CRTAM: variants seen among roughly 807,000 people sequenced by gnomAD.
CRTAM encodes cytotoxic and regulatory T cell molecule, also known as cytotoxic and regulatory T-cell molecule.
CRTAM carries 44 observed loss-of-function variants against 50.0 expected under a neutral mutation model. The observed-to-expected ratio is 0.88, with a 90% CI of 0.69 to 1.13. CRTAM has a LOEUF of 1.13. Ranked by LOEUF, CRTAM falls within the 50% of genes most tolerant of loss-of-function variation. CRTAM has a pLI of 0.00. For missense variants in CRTAM, 448 were observed against 457.5 expected (o/e 0.98, Z 0.19); for synonymous variants, 159 against 169.3 (o/e 0.94, Z 0.47).
At chr11:122,860,940 G>T (rs1005347254) in intron 5 of CRTAM, among the ~76,000 whole-genome samples, 15 of 152,104 alleles carry the variant, frequency 9.9e-5, no homozygotes, top group Non-Finnish European at 1.8e-4. Context: ...TAAGCAATCT[G>T]CCTGCCTCGG....
chr11:122,847,710 GCAAAGGGGCATATTT>G (rs1861882002), intron 1 of CRTAM, among the ~76,000 whole-genome samples: 2 of 152,210 alleles, frequency 1.3e-5, no homozygotes, highest in African/African-American at 2.4e-5. Context: ...CCTGTCCCAT[GCAAAGGGGCATATTT>G]TTGGAGGAAC....
chr11:122,871,410 A>G lies in CRTAM; in HGVS notation c.*11A>G, dbSNP rs1862252214. Reference sequence around the variant, plus strand: ...GAGAGTATTGTGTAGTGCTCTCTGCAATGGAACATGTGATTTCAGGGTTGC... The same window carrying G: ...GAGAGTATTGTGTAGTGCTCTCTGCGATGGAACATGTGATTTCAGGGTTGC... On this transcript the variant is annotated 3_prime_UTR_variant, in exon 10 of 10. Transcript: ENST00000227348. The G allele has an allele frequency of 6.2e-7, 1 of 1,606,122 alleles. No individual in the cohort carries two copies. The highest frequency in any genetic ancestry group is 2.2e-5 in the East Asian group (1 of 44,482).
At chr11:122,849,722 CA>C (rs144356621) in intron 1 of CRTAM, among the ~76,000 whole-genome samples, 69 of 141,216 alleles carry the variant, frequency 4.9e-4, no homozygotes, top group East Asian at 1.8e-3. Context: ...GACTTTGTCT[CA>C]AAAAAAAAAA....
chr11:122,861,100 T>C (rs1200907515), intron 5 of CRTAM, among the ~76,000 whole-genome samples: 2 of 152,162 alleles, frequency 1.3e-5, no homozygotes, highest in Non-Finnish European at 2.9e-5. Context: ...CAATTTTCTC[T>C]GGCACCTGTG....
At chr11:122,839,665 A>G (rs771470359) in intron 1 of CRTAM, among the ~76,000 whole-genome samples, 13 of 152,148 alleles carry the variant, frequency 8.5e-5, no homozygotes, top group Non-Finnish European at 1.6e-4. Context: ...GTCTCTGCTT[A>G]CAATTGTATC....
intron 2 of CRTAM, 140 bp from the exon 3 acceptor site, chr11:122,851,553 G>A (rs775384823): frequency 3.3e-5 from 25 of 746,648 alleles, no homozygotes; most frequent in Non-Finnish European, 5.6e-5. Context: ...ACCTTCCCGT[G>A]GAGATAGGAC....
intron 3 of CRTAM, among the ~76,000 whole-genome samples, chr11:122,853,361 C>T (rs1861959763): frequency 6.6e-6 from 1 of 151,912 alleles, no homozygotes; most frequent in Non-Finnish European, 1.5e-5. Context: ...TGAGCCACCT[C>T]GCCCGGCCTC....
At chr11:122,867,645 C>A in intron 8 of CRTAM, 90 bp downstream of exon 8, 1 of 1,266,398 alleles carries the variant, frequency 7.9e-7, no homozygotes, top group Non-Finnish European at 1.1e-6. Flanking sequence ...AGCTTTCTGT[C>A]AGACACTACA....
At position 122,871,271 on chromosome 11, in the gene CRTAM, T is replaced by A; in HGVS notation, c.1054T>A (p.Ser352Thr). 6.2e-7 allele frequency: 1 copy of A among 1,608,916 alleles called. No individual in the cohort carries two copies. The highest frequency in any genetic ancestry group is 8.5e-7 in the Non-Finnish European group (1 of 1,177,736). ...TSSEEKNGQS[S>T]HPMRCMNYIT... Reference sequence around the variant, plus strand: ...TCTTCAACATGTTTTTCTTTCAGCTTCCCACCCTATGCGTTGCATGAACTA... The same window carrying A: ...TCTTCAACATGTTTTTCTTTCAGCTACCCACCCTATGCGTTGCATGAACTA... Residue 352 changes from serine (S) to threonine (T), a missense_variant and splice_region_variant, in exon 10 of 10, where the codon TCC becomes ACC. By Grantham distance (58) the Ser-to-Thr change is moderately conservative. Transcript: ENST00000227348.
Position 122,851,812 on chromosome 11 carries a change from G to A in CRTAM, c.313G>A (p.Val105Ile). ...VYKCLHYSDS[V>I]STKEVKVIVL... The stretch of plus-strand genomic sequence containing the variant: ...CAAGTGCTTACATTACAGCGACTCT[G>A]TAAGCACAAAGGAAGTGAAAGTGAT... The change falls in exon 3 of 10, where the codon GTA becomes ATA. Residue 105 changes from valine (V) to isoleucine (I), a missense_variant. Coordinates refer to ENST00000227348, the MANE Select transcript of CRTAM (RefSeq NM_019604.4). 6.2e-7 allele frequency: 1 copy of A among 1,614,196 alleles called. No individual in the cohort carries two copies. Among genetic ancestry groups the A allele is most frequent in the Non-Finnish European group, 8.5e-7 (1 of 1,180,014 alleles).
chr11:122,863,882 G>A (rs1862132223), intron 6 of CRTAM, among the ~76,000 whole-genome samples: 1 of 151,982 alleles, frequency 6.6e-6, no homozygotes, highest in African/African-American at 2.4e-5. Context: ...AATAGAATGG[G>A]AGGCTTCATT....
intron 2 of CRTAM, 72 bp from the exon 3 acceptor site, chr11:122,851,621 C>A: frequency 7.3e-7 from 1 of 1,379,166 alleles, no homozygotes; most frequent in Non-Finnish European, 1.0e-6. Context: ...GTGCTTCTGG[C>A]ATCTACTGGG....
At position 122,867,498 on chromosome 11, in the gene CRTAM, A is replaced by G. The variant is rs138197219; in HGVS notation, c.907A>G (p.Ile303Val). ...LVSFLIFILF[I>V]IVQLFIMKLR... ...GTCCTTCCTCATTTTCATACTCTTCATCATAGTCCAGCTCTTCATCATGAA... is the reference window on the plus strand; with the variant it reads ...GTCCTTCCTCATTTTCATACTCTTCGTCATAGTCCAGCTCTTCATCATGAA... The change falls in exon 8 of 10, where the codon ATC becomes GTC. Residue 303 changes from isoleucine (I) to valine (V), a missense_variant. Physicochemically the swap from Ile to Val is conservative, Grantham distance 29. Coordinates refer to ENST00000227348, the MANE Select transcript of CRTAM (RefSeq NM_019604.4). The G allele has an allele frequency of 3.1e-6, 5 of 1,614,126 alleles. No individual in the cohort carries two copies. Among genetic ancestry groups the G allele is most frequent in the Middle Eastern group, 1.6e-4 (1 of 6,062 alleles).
intron 3 of CRTAM, 111 bp downstream of exon 3, chr11:122,851,956 C>A: frequency 1.2e-6 from 1 of 864,282 alleles, no homozygotes; most frequent in Non-Finnish European, 1.8e-6. Flanking sequence ...CAAGGAATTG[C>A]CTGGGACACC....
chr11:122,851,805 C>A lies in CRTAM; in HGVS notation c.306C>A (p.Ser102Arg). Residue 102 changes from serine (S) to arginine (R), a missense_variant, in exon 3 of 10, where the codon AGC becomes AGA. Ser to Arg is a moderately radical substitution (Grantham distance 110). Transcript: ENST00000227348. ...DEGVYKCLHY[S>R]DSVSTKEVKV... ...GCGTGTACAAGTGCTTACATTACAG[C>A]GACTCTGTAAGCACAAAGGAAGTGA... 6.2e-7 allele frequency: 1 copy of A among 1,614,088 alleles called. No individual in the cohort carries two copies. Among genetic ancestry groups the A allele is most frequent in the South Asian group, 1.1e-5 (1 of 91,078 alleles).
intron 5 of CRTAM, 93 bp downstream of exon 5, chr11:122,855,949 A>C (rs534627151): frequency 1.0e-6 from 1 of 1,002,570 alleles, no homozygotes; most frequent in South Asian, 1.6e-5. Flanking sequence ...AGAGTCCTTC[A>C]GATTAAGATT....
chr11:122,844,513 A>G (rs1861838199), intron 1 of CRTAM, among the ~76,000 whole-genome samples: 1 of 152,232 alleles, frequency 6.6e-6, no homozygotes, highest in African/African-American at 2.4e-5. Context: ...TTCTTCCAGT[A>G]GCTTCCTTCC....
At chr11:122,854,661 CAA>C (rs35830458) in intron 4 of CRTAM, among the ~76,000 whole-genome samples, 11 of 127,742 alleles carry the variant, frequency 8.6e-5, no homozygotes, top group Non-Finnish European at 1.6e-4. Flanking sequence ...AAAATTCTAT[CAA>C]AAAAAAAAAA....
At chr11:122,842,659 T>C (rs1164947971) in intron 1 of CRTAM, among the ~76,000 whole-genome samples, 1 of 152,186 alleles carries the variant, frequency 6.6e-6, no homozygotes, top group Non-Finnish European at 1.5e-5. Flanking sequence ...AGAACTAAGT[T>C]ATTACAGTGG....
Sources: allele counts gnomAD v4.1 joint callset (sites outside exome capture counted in the v4.1 genomes callset), GRCh38; gene constraint gnomAD v4.1.1; transcripts MANE v1.5; gene names NCBI Gene and HGNC (gene_info 2026-07-23, HGNC 2026-07-21).